MVB12B: variants seen among roughly 807,000 people sequenced by gnomAD.
The protein encoded by MVB12B is multivesicular body subunit 12B, also known as ESCRT-I complex subunit MVB12B.
A neutral mutation model predicts 41.6 loss-of-function variants in MVB12B; 16 were observed. The observed-to-expected ratio is 0.38, with a 90% CI of 0.26 to 0.58. MVB12B has a LOEUF of 0.58. Among genes scored for constraint, MVB12B ranks in the 20% least tolerant of loss-of-function variants. The probability of loss-of-function intolerance (pLI) is 0.62; values close to 1 mark genes in which losing one functional copy is unlikely to be tolerated. For missense variants in MVB12B, 274 were observed against 380.2 expected, an observed-to-expected ratio of 0.72 and a Z score of 2.32; for synonymous variants, 133 against 139.7, an observed-to-expected ratio of 0.95 and a Z score of 0.34.
chr9:126,350,327 T>C (rs1829712778), intron 2 of MVB12B, among the ~76,000 whole-genome samples: 1 of 152,244 alleles, frequency 6.6e-6, no homozygotes, highest in Non-Finnish European at 1.5e-5. Context: ...GAGCAAATGT[T>C]TTTAATTTTG....
intron 7 of MVB12B, among the ~76,000 whole-genome samples, chr9:126,443,011 G>T (rs1270206249): frequency 6.6e-6 from 1 of 152,168 alleles, no homozygotes; most frequent in Non-Finnish European, 1.5e-5. Context: ...GAGACATCAG[G>T]CACCTTCCTA....
intron 7 of MVB12B, among the ~76,000 whole-genome samples, chr9:126,429,938 C>G (rs1832286623): frequency 6.6e-6 from 1 of 152,154 alleles, no homozygotes; most frequent in African/African-American, 2.4e-5. Context: ...GGATCAGTTC[C>G]CCAGCAGGTC....
chr9:126,415,921 C>T (rs951775981), intron 6 of MVB12B, among the ~76,000 whole-genome samples: 5 of 152,102 alleles, frequency 3.3e-5, no homozygotes, highest in African/African-American at 4.8e-5. Context: ...GGAAGCCAGC[C>T]GCTGAGATCT....
At chr9:126,348,238 A>AGCCCTGGGCCTTTGT (rs1829652474) in intron 2 of MVB12B, among the ~76,000 whole-genome samples, 1 of 152,240 alleles carries the variant, frequency 6.6e-6, no homozygotes, top group Non-Finnish European at 1.5e-5. Context: ...TTTTGTAACT[A>AGCCCTGGGCCTTTGT]GCCCTGGGCC....
chr9:126,344,160 T>C (rs963896668), intron 2 of MVB12B, among the ~76,000 whole-genome samples: 5 of 152,142 alleles, frequency 3.3e-5, no homozygotes, highest in African/African-American at 1.2e-4. Flanking sequence ...GTACCTACTA[T>C]GTGCCAGCTA....
At chr9:126,406,052 T>G (rs918775669) in intron 6 of MVB12B, among the ~76,000 whole-genome samples, 6 of 144,938 alleles carry the variant, frequency 4.1e-5, no homozygotes, top group South Asian at 2.2e-4. Context: ...TTGTGGGGGG[T>G]TTTTTTTTTT....
intron 1 of MVB12B, among the ~76,000 whole-genome samples, chr9:126,338,081 G>C (rs1289307444): frequency 6.6e-6 from 1 of 152,228 alleles, no homozygotes; most frequent in Admixed American, 6.5e-5. Context: ...AAGCTGCCTT[G>C]GCTGGTGATG....
intron 7 of MVB12B, among the ~76,000 whole-genome samples, chr9:126,442,271 T>C (rs886601005): frequency 6.6e-6 from 1 of 152,194 alleles, no homozygotes; most frequent in Non-Finnish European, 1.5e-5. Context: ...GCTCCTCCCA[T>C]CAGAAATGGT....
intron 2 of MVB12B, among the ~76,000 whole-genome samples, chr9:126,379,362 A>T (rs1479755641): frequency 6.6e-6 from 1 of 152,094 alleles, no homozygotes; most frequent in African/African-American, 2.4e-5. Context: ...AAATCTTTCA[A>T]AACATGTAAT....
chr9:126,463,294 A>G (rs1833129577), intron 7 of MVB12B, among the ~76,000 whole-genome samples: 1 of 152,212 alleles, frequency 6.6e-6, no homozygotes, highest in Non-Finnish European at 1.5e-5. Context: ...GAGGACTGTC[A>G]GCCGCATCCA....
chr9:126,481,257 G>A (rs1833517448), intron 7 of MVB12B, 112 bp from the exon 8 acceptor site: 1 of 911,356 alleles, frequency 1.1e-6, no homozygotes, highest in Admixed American at 1.8e-5. Flanking sequence ...GATGTCACCT[G>A]GCTCCATCCA....
chr9:126,477,540 G>T (rs1040941207), intron 7 of MVB12B, among the ~76,000 whole-genome samples: 24 of 152,158 alleles, frequency 1.6e-4, no homozygotes, highest in African/African-American at 5.8e-4. Context: ...GAAGGCAAAG[G>T]AGGAGCAAAG....
chr9:126,433,646 A>G (rs549862827), intron 7 of MVB12B, among the ~76,000 whole-genome samples: 2 of 151,842 alleles, frequency 1.3e-5, no homozygotes, highest in East Asian at 3.9e-4. Context: ...TGGAAGCTTC[A>G]TTCTCTAGAT....
intron 7 of MVB12B, among the ~76,000 whole-genome samples, chr9:126,464,616 G>A (rs528153401): frequency 7.9e-5 from 12 of 152,298 alleles, no homozygotes; most frequent in Admixed American, 3.9e-4. Flanking sequence ...GAGAGGGCCC[G>A]GAGGACACTC....
chr9:126,350,189 GT>G (rs199962104), intron 2 of MVB12B, among the ~76,000 whole-genome samples: 1 of 151,642 alleles, frequency 6.6e-6, no homozygotes, highest in African/African-American at 2.4e-5. Context: ...TGGATTGTTT[GT>G]TTTTTTTACT....
intron 2 of MVB12B, among the ~76,000 whole-genome samples, chr9:126,378,898 A>G (rs1267984342): frequency 1.3e-5 from 2 of 152,146 alleles, no homozygotes; most frequent in Non-Finnish European, 2.9e-5. Flanking sequence ...GGACAGTTCT[A>G]GCAGTGTGGT....
intron 9 of MVB12B, among the ~76,000 whole-genome samples, chr9:126,492,202 A>T (rs766928297): frequency 4.8e-5 from 7 of 146,292 alleles, no homozygotes; most frequent in Admixed American, 1.4e-4. Context: ...TATGTCTTAC[A>T]CGTCTTCGCA....
At position 126,395,500 on chromosome 9, in the gene MVB12B, A is replaced by G. The variant is rs1310143878; in HGVS notation, c.540-75A>G. On this transcript the variant is annotated intron_variant, in intron 5 of 9. Coordinates refer to ENST00000361171, the MANE Select transcript of MVB12B (RefSeq NM_033446.3). The surrounding 1 kb of genome is among the most constrained non-coding windows in gnomAD (Gnocchi z 4.9). ...TTTGAGGCCATGACTCTTTTAAATGAATTGGTTTGCTTTGTCACTCAGGTA... is the reference window on the plus strand; with the variant it reads ...TTTGAGGCCATGACTCTTTTAAATGGATTGGTTTGCTTTGTCACTCAGGTA... 8 of 1,551,684 alleles carry G rather than the reference A, an allele frequency of 5.2e-6. No homozygotes were observed. In the African/African-American group the frequency reaches 9.6e-5, roughly 19 times the overall value.
intron 7 of MVB12B, among the ~76,000 whole-genome samples, chr9:126,464,646 G>A (rs1356555093): frequency 1.3e-5 from 2 of 152,230 alleles, no homozygotes; most frequent in Admixed American, 6.5e-5. Flanking sequence ...CCTTAACTCT[G>A]TGTGGAGCTT....
Sources: gnomAD v4.1 joint callset for allele counts (sites outside exome capture counted in the v4.1 genomes callset) on GRCh38, gnomAD v4.1.1 for gene constraint, Gnocchi (gnomAD v3.1) non-coding constraint, MANE v1.5 for transcripts, NCBI Gene and HGNC (gene_info 2026-07-23, HGNC 2026-07-21) for gene names.